Variants in SFT2D2 observed in about 807,000 individuals in gnomAD.
SFT2D2 encodes SFT2 domain containing 2.
In SFT2D2, 21 loss-of-function variants were observed where a neutral mutation model predicts 27.4. That is an observed-to-expected ratio of 0.77 (90% CI 0.54 to 1.10). The LOEUF is 1.10. SFT2D2 is among the 50% of genes least tolerant of loss of function. SFT2D2 has a pLI of 0.00. For missense variants in SFT2D2, 187 were observed against 194.2 expected, an observed-to-expected ratio of 0.96 and a Z score of 0.22; for synonymous variants, 72 against 71.7, an observed-to-expected ratio of 1.00 and a Z score of -0.02.
At chr1:168,237,513 G>C (rs760482496) in intron 6 of SFT2D2, among the ~76,000 whole-genome samples, 3 of 152,178 alleles carry the variant, frequency 2.0e-5, no homozygotes, top group Non-Finnish European at 4.4e-5. Context: ...CATTTCTGTA[G>C]TTCTTTCAAA....
intron 1 of SFT2D2, among the ~76,000 whole-genome samples, chr1:168,229,406 T>C (rs905997791): frequency 1.3e-5 from 2 of 152,268 alleles, no homozygotes; most frequent in Non-Finnish European, 2.9e-5. Flanking sequence ...CTTAACCTTA[T>C]GGTTTATCCT....
rs1340467042 is a variant in SFT2D2, at chr1:168,242,593, G to T, written c.*53G>T. 1.2e-6 allele frequency: 2 copies of T among 1,605,472 alleles called. No individual in the cohort carries two copies. The highest frequency in any genetic ancestry group is 2.7e-5 in the African/African-American group (2 of 74,738). On this transcript the variant is annotated 3_prime_UTR_variant, in exon 8 of 8. Coordinates refer to ENST00000271375, the MANE Select transcript of SFT2D2 (RefSeq NM_199344.3). ...AAGGCACTATGGACAGAAGCTGGTGGACAGTTTTGTAACTATCTTCGAAAC... is the reference window on the plus strand; with the variant it reads ...AAGGCACTATGGACAGAAGCTGGTGTACAGTTTTGTAACTATCTTCGAAAC...
intron 1 of SFT2D2, among the ~76,000 whole-genome samples, chr1:168,230,910 G>A (rs1647254386): frequency 2.0e-5 from 2 of 98,010 alleles, no homozygotes; most frequent in South Asian, 2.6e-4. Flanking sequence ...CAAAGACTCA[G>A]GATGTAACAG....
At chr1:168,242,479 C>CT in intron 7 of SFT2D2, 22 bp from the exon 8 acceptor site, 1 of 1,613,746 alleles carries the variant, frequency 6.2e-7, no homozygotes, top group African/African-American at 1.3e-5. Flanking sequence ...TTCCACTCAT[C>CT]TTTGTGTCTT....
chr1:168,237,897 G>A (rs914258744), intron 6 of SFT2D2, among the ~76,000 whole-genome samples: 16 of 150,598 alleles, frequency 1.1e-4, no homozygotes, highest in South Asian at 4.2e-4. Context: ...ACATTTGAGT[G>A]GTAGACTGTT....
chr1:168,227,860 C>T (rs933282545), intron 1 of SFT2D2, among the ~76,000 whole-genome samples: 1 of 152,144 alleles, frequency 6.6e-6, no homozygotes, highest in Non-Finnish European at 1.5e-5. Context: ...ATTATTGTCT[C>T]GAAAATCATC....
Position 168,242,580 on chromosome 1 carries a change from A to T in SFT2D2, c.*40A>T. On this transcript the variant is annotated 3_prime_UTR_variant, in exon 8 of 8. Coordinates refer to ENST00000271375, the MANE Select transcript of SFT2D2 (RefSeq NM_199344.3). ...TATGAAGCTTTGGAAGGCACTATGGACAGAAGCTGGTGGACAGTTTTGTAA... is the reference window on the plus strand; with the variant it reads ...TATGAAGCTTTGGAAGGCACTATGGTCAGAAGCTGGTGGACAGTTTTGTAA... The T allele has an allele frequency of 6.2e-7, 1 of 1,613,142 alleles. No homozygotes were observed. Among genetic ancestry groups the T allele is most frequent in the Middle Eastern group, 1.7e-4 (1 of 6,060 alleles).
intron 3 of SFT2D2, among the ~76,000 whole-genome samples, chr1:168,232,847 C>T (rs1024293952): frequency 6.6e-6 from 1 of 152,184 alleles, no homozygotes; most frequent in Admixed American, 6.5e-5. Context: ...GCCGACACGA[C>T]CTGAGTCAGG....
intron 3 of SFT2D2, among the ~76,000 whole-genome samples, chr1:168,233,045 T>C (rs1383052267): frequency 6.6e-6 from 1 of 152,184 alleles, no homozygotes; most frequent in Non-Finnish European, 1.5e-5. Flanking sequence ...GCCCCCTGTT[T>C]TGTCTGTACA....
chr1:168,236,983 G>A (rs1308840126), intron 6 of SFT2D2, among the ~76,000 whole-genome samples: 1 of 152,194 alleles, frequency 6.6e-6, no homozygotes, highest in African/African-American at 2.4e-5. Flanking sequence ...GTCTTGAGTG[G>A]TCACAGGAGG....
intron 6 of SFT2D2, among the ~76,000 whole-genome samples, chr1:168,238,709 TAAATA>T (rs1647569994): frequency 1.3e-5 from 2 of 151,142 alleles, no homozygotes; most frequent in Non-Finnish European, 3.0e-5. Context: ...AAAAAAAAAA[TAAATA>T]AATAAATAAA....
At position 168,250,196 on chromosome 1, in the gene SFT2D2, C is replaced by G. The variant is rs1647919283; in HGVS notation, c.*7656C>G. On this transcript the variant is annotated 3_prime_UTR_variant, in exon 8 of 8. Coordinates refer to ENST00000271375, the MANE Select transcript of SFT2D2 (RefSeq NM_199344.3). ...ACACCATTGGCAGCTTTTGCATGAC[C>G]CTGCCTCCCAGGGTCTTCCTGCGTT... 1 of 152,160 alleles carries G rather than the reference C, an allele frequency of 6.6e-6. No homozygotes were observed. 9.4% of individuals were successfully genotyped at this position (152,160 alleles called of 1,614,324 possible). A position where few individuals can be genotyped will look rare whatever the true frequency, so the allele number is the denominator to read the frequency against.
intron 1 of SFT2D2, among the ~76,000 whole-genome samples, chr1:168,229,383 T>C (rs1700490747): frequency 6.6e-6 from 1 of 152,240 alleles, no homozygotes; most frequent in Non-Finnish European, 1.5e-5. Context: ...TCAAAGCCAA[T>C]TCAAATTTCA....
In SFT2D2 at chr1:168,226,028, G is replaced by C; in HGVS notation, c.-52G>C. The C allele has an allele frequency of 1.4e-6, 2 of 1,454,588 alleles. No homozygotes were observed. The highest frequency in any genetic ancestry group is 1.8e-6 in the Non-Finnish European group (2 of 1,094,342). The allele number at this position is 1,454,588 out of a possible 1,614,324, so 90.1% of individuals were successfully genotyped here. ...CACCCGGAAGAGCCGTCAACTTAGC[G>C]AGCGCAACAGGCTGCCGCTGAGGAG... On this transcript the variant is annotated 5_prime_UTR_variant, in exon 1 of 8. Coordinates refer to ENST00000271375, the MANE Select transcript of SFT2D2 (RefSeq NM_199344.3).
In SFT2D2 at chr1:168,226,101, C is replaced by T. The variant is rs1452715594; in HGVS notation, c.22C>T (p.Leu8=). The change falls in exon 1 of 8, where the codon CTG becomes TTG. Residue 8 remains leucine, a synonymous_variant. Transcript: ENST00000271375. ...CGCAATGGACAAGCTGAAGAAGGTG[C>T]TGAGCGGGCAGGACACGGAGGACCG... The part of the protein sequence containing the change: MDKLKKV[L]SGQDTEDRSG... 2 of 1,534,572 alleles carry T rather than the reference C, an allele frequency of 1.3e-6. No individual in the cohort carries two copies. The highest frequency in any genetic ancestry group is 4.1e-5 in the Admixed American group (2 of 49,130).
At chr1:168,235,049 G>A (rs1401340753) in intron 3 of SFT2D2, 52 bp from the exon 4 acceptor site, 2 of 1,506,996 alleles carry the variant, frequency 1.3e-6, no homozygotes, top group African/African-American at 2.7e-5. Context: ...GACTCAGTGT[G>A]CCTAGTGCAG....
Position 168,251,220 on chromosome 1 carries a change from G to A in SFT2D2, c.*8680G>A, listed in dbSNP as rs1370443099. On this transcript the variant is annotated 3_prime_UTR_variant, in exon 8 of 8. Transcript: ENST00000271375. Reference sequence around the variant, plus strand: ...CCAGCTACTTGGGAGGGAGGCTGAGGCACAAGAATTGCTTGAACCCAGGAG... The same window carrying A: ...CCAGCTACTTGGGAGGGAGGCTGAGACACAAGAATTGCTTGAACCCAGGAG... The A allele has an allele frequency of 6.6e-6, 1 of 152,064 alleles. No individual in the cohort carries two copies. The highest frequency in any genetic ancestry group is 2.4e-5 in the African/African-American group (1 of 41,376). 9.4% of individuals were successfully genotyped at this position (152,064 alleles called of 1,614,324 possible). A position where few individuals can be genotyped will look rare whatever the true frequency, so the allele number is the denominator to read the frequency against.
At position 168,242,720 on chromosome 1, in the gene SFT2D2, T is replaced by G; in HGVS notation, c.*180T>G. 1.5e-6 allele frequency: 1 copy of G among 682,578 alleles called. No individual in the cohort carries two copies. Among genetic ancestry groups the G allele is most frequent in the Non-Finnish European group, 2.6e-6 (1 of 387,420 alleles). 42.3% of individuals were successfully genotyped at this position (682,578 alleles called of 1,614,324 possible). A position where few individuals can be genotyped will look rare whatever the true frequency, so the allele number is the denominator to read the frequency against. ...GGAAGCAACAATACATTCTCGAACC[T>G]GAATGTCAGTAGCACAGGATGAGAA... On this transcript the variant is annotated 3_prime_UTR_variant, in exon 8 of 8. Coordinates refer to ENST00000271375, the MANE Select transcript of SFT2D2 (RefSeq NM_199344.3).
chr1:168,242,793 C>A lies in SFT2D2; in HGVS notation c.*253C>A. On this transcript the variant is annotated 3_prime_UTR_variant, in exon 8 of 8. Coordinates refer to ENST00000271375, the MANE Select transcript of SFT2D2 (RefSeq NM_199344.3). ...TGGAATCTTCCTCATGTACCTGTTTCCTCTCTGGATGTTGTCCCACTGAAT... is the reference window on the plus strand; with the variant it reads ...TGGAATCTTCCTCATGTACCTGTTTACTCTCTGGATGTTGTCCCACTGAAT... 1 of 505,550 alleles carries A rather than the reference C, an allele frequency of 2.0e-6. No homozygotes were observed. Among genetic ancestry groups the A allele is most frequent in the Middle Eastern group, 5.6e-4 (1 of 1,770 alleles). The allele number at this position is 505,550 out of a possible 1,614,324, so 31.3% of individuals were successfully genotyped here.
Sources: gnomAD v4.1 joint callset for allele counts (sites outside exome capture counted in the v4.1 genomes callset) on GRCh38, gnomAD v4.1.1 for gene constraint, MANE v1.5 for transcripts, NCBI Gene and HGNC (gene_info 2026-07-23, HGNC 2026-07-21) for gene names.